Variants in RNF169 observed in about 807,000 individuals in gnomAD.
The protein encoded by RNF169 is E3 ubiquitin-protein ligase RNF169.
A neutral mutation model predicts 53.9 loss-of-function variants in RNF169; 24 were observed. That is an observed-to-expected ratio of 0.45 (90% CI 0.32 to 0.63). The LOEUF is 0.63. Among genes scored for constraint, RNF169 ranks in the 20% least tolerant of loss-of-function variants. RNF169 has a pLI of 0.04. For missense variants in RNF169, 883 were observed against 906.2 expected (o/e 0.97, Z 0.33); for synonymous variants, 396 against 363.5 (o/e 1.09, Z -1.02).
chr11:74,788,469 TG>T (rs1397202744), intron 1 of RNF169, among the ~76,000 whole-genome samples: 1 of 152,170 alleles, frequency 6.6e-6, no homozygotes, highest in East Asian at 1.9e-4. Flanking sequence ...CTCGACTCAC[TG>T]CAACTTCTGC....
chr11:74,756,732 A>G (rs2034989495), intron 1 of RNF169, among the ~76,000 whole-genome samples: 1 of 152,210 alleles, frequency 6.6e-6, no homozygotes, highest in Non-Finnish European at 1.5e-5. Flanking sequence ...GTTAGAGTAT[A>G]GAGTGCATGT....
Position 74,836,936 on chromosome 11 carries a change from AT to A in RNF169, c.*207del. On this transcript the variant is annotated 3_prime_UTR_variant, in exon 6 of 6. Transcript: ENST00000299563. The stretch of plus-strand genomic sequence containing the variant: ...CCCAGGCCAGAAGCCTGAGTGACCC[AT>A]CCCTAAGGGCTTCTGGGCCAAACCT... 2.0e-6 allele frequency: 1 copy of A among 510,732 alleles called. No individual in the cohort carries two copies. Among genetic ancestry groups the A allele is most frequent in the Non-Finnish European group, 3.4e-6 (1 of 290,166 alleles). The allele number at this position is 510,732 out of a possible 1,614,324, so 31.6% of individuals were successfully genotyped here.
intron 2 of RNF169, among the ~76,000 whole-genome samples, chr11:74,793,718 A>G: frequency 6.6e-6 from 1 of 152,120 alleles, no homozygotes; most frequent in East Asian, 1.9e-4. Flanking sequence ...AAATTTTATC[A>G]TTCTGTGAAT....
In RNF169 at chr11:74,749,234, C is replaced by G; in HGVS notation, c.354C>G (p.Ala118=). 1 of 1,079,716 alleles carries G rather than the reference C, an allele frequency of 9.3e-7. No homozygotes were observed. Among genetic ancestry groups the G allele is most frequent in the Non-Finnish European group, 1.1e-6 (1 of 893,038 alleles). 66.9% of individuals were successfully genotyped at this position (1,079,716 alleles called of 1,614,324 possible). Reference sequence around the variant, plus strand: ...GCCCAGGCTGGGCCCGCCGTCGGGCCCGCGACGACGGCCAGGCCGACTCAG... The same window carrying G: ...GCCCAGGCTGGGCCCGCCGTCGGGCGCGCGACGACGGCCAGGCCGACTCAG... ...ARGPGWARRR[A]RDDGQADSEV... is the part of the protein sequence containing the mutation. Residue 118 remains alanine, a synonymous_variant, in exon 1 of 6, where the codon GCC becomes GCG. Coordinates refer to ENST00000299563, the MANE Select transcript of RNF169 (RefSeq NM_001098638.2).
At chr11:74,758,650 C>T (rs1391331287) in intron 1 of RNF169, among the ~76,000 whole-genome samples, 14 of 152,054 alleles carry the variant, frequency 9.2e-5, no homozygotes, top group South Asian at 2.1e-4. Flanking sequence ...TACAGGCGCC[C>T]GCCACTACGC....
intron 1 of RNF169, among the ~76,000 whole-genome samples, chr11:74,764,396 G>A (rs1403188270): frequency 1.3e-5 from 2 of 152,298 alleles, no homozygotes; most frequent in Admixed American, 6.5e-5. Flanking sequence ...AGCCGGGTGT[G>A]GTGGCGCATG....
chr11:74,834,604 T>TA, intron 4 of RNF169, 72 bp from the exon 5 acceptor site: 1 of 1,058,748 alleles, frequency 9.4e-7, no homozygotes, highest in South Asian at 1.7e-5. Flanking sequence ...AGCAAAAAGA[T>TA]ATTGTCATCC....
At chr11:74,752,191 C>T (rs539449365) in intron 1 of RNF169, among the ~76,000 whole-genome samples, 21 of 143,318 alleles carry the variant, frequency 1.5e-4, no homozygotes, top group Non-Finnish European at 1.9e-4. Context: ...AAGATTGCAC[C>T]GCTGCACTCT....
intron 2 of RNF169, among the ~76,000 whole-genome samples, chr11:74,800,056 A>G (rs2035707901): frequency 6.6e-6 from 1 of 151,528 alleles, no homozygotes; most frequent in African/African-American, 2.4e-5. Context: ...ATTGTAATAT[A>G]TCACATATAT....
intron 5 of RNF169, 49 bp downstream of exon 5, chr11:74,834,824 C>A: frequency 8.0e-7 from 1 of 1,250,666 alleles, no homozygotes; most frequent in Non-Finnish European, 1.2e-6. Context: ...TGCCCCATCA[C>A]CCCCTCTGCA....
chr11:74,839,920 CCTAAGTGGCTTCA>C lies in RNF169; in HGVS notation c.*3193_*3205del, dbSNP rs2036324658. The C allele has an allele frequency of 6.6e-6, 1 of 152,078 alleles. No individual in the cohort carries two copies. Among genetic ancestry groups the C allele is most frequent in the African/African-American group, 2.4e-5 (1 of 41,408 alleles). The allele number at this position is 152,078 out of a possible 1,614,324, so 9.4% of individuals were successfully genotyped here. A position where few individuals can be genotyped will look rare whatever the true frequency, so the allele number is the denominator to read the frequency against. The stretch of plus-strand genomic sequence containing the variant: ...TTGGGTGAGGCTTGCCAGGGAAACT[CCTAAGTGGCTTCA>C]CTTATTTTTTAAATTTTAATTTAAT... On this transcript the variant is annotated 3_prime_UTR_variant, in exon 6 of 6. Coordinates refer to ENST00000299563, the MANE Select transcript of RNF169 (RefSeq NM_001098638.2).
chr11:74,753,736 G>A (rs763089861), intron 1 of RNF169, among the ~76,000 whole-genome samples: 1 of 151,576 alleles, frequency 6.6e-6, no homozygotes, highest in Non-Finnish European at 1.5e-5. Context: ...TTTTTATTTT[G>A]TTGAAGTCCA....
chr11:74,833,390 T>TGA (rs2036207684), intron 4 of RNF169, among the ~76,000 whole-genome samples: 1 of 152,216 alleles, frequency 6.6e-6, no homozygotes, highest in Non-Finnish European at 1.5e-5. Flanking sequence ...AATTTCTGTT[T>TGA]GAGATCATCT....
At chr11:74,762,580 G>A (rs957367365) in intron 1 of RNF169, among the ~76,000 whole-genome samples, 10 of 152,140 alleles carry the variant, frequency 6.6e-5, no homozygotes, top group Admixed American at 1.3e-4. Context: ...CGTCTTCTGC[G>A]TCGCTCACGC....
Position 74,821,473 on chromosome 11 carries a change from A to G in RNF169, c.842+3759A>G, listed in dbSNP as rs911455206. On this transcript the variant is annotated intron_variant, in intron 4 of 5. Coordinates refer to ENST00000299563, the MANE Select transcript of RNF169 (RefSeq NM_001098638.2). ...GGAGATCGAGACCATCCCGGCTAAA[A>G]TGGTGAAACCCCGTCTCTACTAAAA... Among the ~76,000 whole-genome samples, 119 of 81,482 alleles carry G rather than the reference A, an allele frequency of 1.5e-3. 37 individuals carry two copies. The highest frequency in any genetic ancestry group is 0.01 in the African/African-American group (107 of 10,376). The allele number at this position is 81,482 out of a possible 152,430, so 53.5% of individuals were successfully genotyped here.
intron 2 of RNF169, among the ~76,000 whole-genome samples, chr11:74,801,684 C>T (rs149874764): frequency 6.6e-6 from 1 of 152,328 alleles, no homozygotes; most frequent in Non-Finnish European, 1.5e-5. Flanking sequence ...CAGTGGTGCA[C>T]ACCTATAATC....
chr11:74,801,265 T>C (rs1055005434), intron 2 of RNF169, among the ~76,000 whole-genome samples: 1 of 152,222 alleles, frequency 6.6e-6, no homozygotes, highest in Non-Finnish European at 1.5e-5. Context: ...AGAGATCGTT[T>C]GCTGTGAGTT....
At chr11:74,827,828 C>T (rs1336548548) in intron 4 of RNF169, among the ~76,000 whole-genome samples, 1 of 152,094 alleles carries the variant, frequency 6.6e-6, no homozygotes, top group African/African-American at 2.4e-5. Flanking sequence ...AAGGAACATA[C>T]CTCAAAATAA....
In RNF169 at chr11:74,836,028, G is replaced by A. The variant is rs766039992; in HGVS notation, c.1425G>A (p.Lys475=). ...GSEGIHSSKE[K]PLVAVNTRLS... is the part of the protein sequence containing the mutation. ...AAGGTATCCATTCTAGCAAGGAGAA[G>A]CCACTTGTGGCTGTAAATACAAGAT... The change falls in exon 6 of 6, where the codon AAG becomes AAA. Residue 475 remains lysine, a synonymous_variant. Transcript: ENST00000299563. 6.2e-7 allele frequency: 1 copy of A among 1,614,208 alleles called. No individual in the cohort carries two copies. The highest frequency in any genetic ancestry group is 1.1e-5 in the South Asian group (1 of 91,084).
Sources: gnomAD v4.1 joint callset for allele counts (sites outside exome capture counted in the v4.1 genomes callset) on GRCh38, gnomAD v4.1.1 for gene constraint, MANE v1.5 for transcripts, NCBI Gene and HGNC (gene_info 2026-07-23, HGNC 2026-07-21) for gene names.